NTRK3: variants seen among roughly 807,000 people sequenced by gnomAD.
The protein encoded by NTRK3 is NT-3 growth factor receptor.
In NTRK3, 24 loss-of-function variants were observed where a neutral mutation model predicts 91.7. The observed-to-expected ratio is 0.26, with a 90% CI of 0.19 to 0.37. NTRK3 has a LOEUF of 0.37. NTRK3 is among the 10% of genes least tolerant of loss of function. NTRK3 has a pLI of 1.00. For synonymous variants in NTRK3, 483 were observed against 404.0 expected (o/e 1.20, Z -2.34); for missense variants, 880 against 1,068.9 (o/e 0.82, Z 2.46).
chr15:87,900,321 C>T (rs2066375360), intron 17 of NTRK3, among the ~76,000 whole-genome samples: 1 of 152,132 alleles, frequency 6.6e-6, no homozygotes, highest in South Asian at 2.1e-4. Flanking sequence ...CCACACAGCC[C>T]TGGCAAGGCC....
At chr15:88,149,963 T>G (rs1169016315) in intron 5 of NTRK3, among the ~76,000 whole-genome samples, 2 of 152,204 alleles carry the variant, frequency 1.3e-5, no homozygotes, top group Non-Finnish European at 2.9e-5. Context: ...GCCCCCAGCT[T>G]CCAAATCCAT....
At chr15:88,104,320 A>G (rs555913601) in intron 13 of NTRK3, among the ~76,000 whole-genome samples, 46 of 152,352 alleles carry the variant, frequency 3.0e-4, no homozygotes, top group African/African-American at 1.0e-3. Context: ...TACATTTATC[A>G]GCTTCCTTTT....
At chr15:88,112,619 C>T (rs181501881) in intron 13 of NTRK3, among the ~76,000 whole-genome samples, 5 of 152,334 alleles carry the variant, frequency 3.3e-5, no homozygotes, top group Admixed American at 3.3e-4. Flanking sequence ...GAATGTTTAA[C>T]ACTGGCCATG....
chr15:88,256,377 G>C, exon 2 of NTRK3: 1 of 629,252 alleles, frequency 1.6e-6, no homozygotes, highest in Non-Finnish European at 2.8e-6. Flanking sequence ...GGTGGGAGCC[G>C]CGAGGAGCGC....
chr15:88,097,268 G>C (rs1431870562), intron 13 of NTRK3, among the ~76,000 whole-genome samples: 1 of 152,222 alleles, frequency 6.6e-6, no homozygotes. Flanking sequence ...AAAGAGGTGT[G>C]TCAGAGAACA....
At chr15:88,200,008 C>A (rs543239585) in intron 3 of NTRK3, among the ~76,000 whole-genome samples, 1 of 152,328 alleles carries the variant, frequency 6.6e-6, no homozygotes, top group African/African-American at 2.4e-5. Context: ...CACGTCCAAC[C>A]CCAATCAGCT....
chr15:88,158,808 C>A (rs1293075800), intron 5 of NTRK3, among the ~76,000 whole-genome samples: 4 of 152,122 alleles, frequency 2.6e-5, no homozygotes, highest in Non-Finnish European at 5.9e-5. Context: ...GGCGTGGGAG[C>A]TGACTACCCC....
chr15:88,089,260 C>G (rs923531727), intron 13 of NTRK3, among the ~76,000 whole-genome samples: 1 of 152,194 alleles, frequency 6.6e-6, no homozygotes, highest in Non-Finnish European at 1.5e-5. Context: ...CCTTCTTAAG[C>G]CTCGGCTCAG....
chr15:87,897,685 T>G (rs1279712121), intron 17 of NTRK3, among the ~76,000 whole-genome samples: 1 of 152,332 alleles, frequency 6.6e-6, no homozygotes, highest in East Asian at 1.9e-4. Flanking sequence ...AATCTGACCC[T>G]GCATAGCTCA....
At chr15:88,024,005 C>G (rs985986873) in intron 14 of NTRK3, among the ~76,000 whole-genome samples, 2 of 152,182 alleles carry the variant, frequency 1.3e-5, no homozygotes, top group Non-Finnish European at 2.9e-5. Flanking sequence ...CTACGCTAAG[C>G]GATGTTTGTT....
At chr15:88,017,872 A>T (rs1480376930) in intron 14 of NTRK3, among the ~76,000 whole-genome samples, 1 of 152,240 alleles carries the variant, frequency 6.6e-6, no homozygotes, top group Non-Finnish European at 1.5e-5. Flanking sequence ...TCAATGAGCC[A>T]TTAGGAGTTT....
intron 5 of NTRK3, among the ~76,000 whole-genome samples, chr15:88,158,143 G>C (rs765781562): frequency 6.6e-6 from 1 of 152,226 alleles, no homozygotes; most frequent in Non-Finnish European, 1.5e-5. Flanking sequence ...CACTTGAGCT[G>C]TGGTGAGGAT....
intron 14 of NTRK3, among the ~76,000 whole-genome samples, chr15:88,006,761 C>T (rs193210307): frequency 2.6e-4 from 40 of 152,288 alleles, no homozygotes; most frequent in Middle Eastern, 6.8e-3. Flanking sequence ...GAGAGAAGTA[C>T]GCAGAGGCAC....
intron 10 of NTRK3, among the ~76,000 whole-genome samples, chr15:88,131,190 C>T (rs2041301201): frequency 6.6e-6 from 1 of 152,182 alleles, no homozygotes; most frequent in Non-Finnish European, 1.5e-5. Context: ...CTTTGGAATG[C>T]ACTATATCAA....
intron 11 of NTRK3, 92 bp downstream of exon 11, chr15:88,128,619 A>G (rs774519271): frequency 7.6e-7 from 1 of 1,324,084 alleles, no homozygotes; most frequent in Non-Finnish European, 1.1e-6. Flanking sequence ...GCCAGGGATG[A>G]TGTGGAATAG....
intron 13 of NTRK3, among the ~76,000 whole-genome samples, chr15:88,096,275 GC>G (rs1460006941): frequency 6.6e-6 from 1 of 152,058 alleles, no homozygotes; most frequent in Non-Finnish European, 1.5e-5. Flanking sequence ...CATCCAGAGA[GC>G]CCCCAGCATC....
At chr15:88,175,139 T>C (rs1366404291) in intron 5 of NTRK3, among the ~76,000 whole-genome samples, 1 of 152,238 alleles carries the variant, frequency 6.6e-6, no homozygotes, top group Non-Finnish European at 1.5e-5. Context: ...ATTCCTGGTT[T>C]ATCTTTTCTT....
At chr15:87,995,768 C>T (rs1174268727) in intron 14 of NTRK3, among the ~76,000 whole-genome samples, 2 of 152,194 alleles carry the variant, frequency 1.3e-5, no homozygotes, top group Non-Finnish European at 2.9e-5. Flanking sequence ...TCAGGCCATA[C>T]GGTCTCTGTT....
chr15:88,200,476 G>C (rs1567634008), intron 3 of NTRK3, among the ~76,000 whole-genome samples: 1 of 152,116 alleles, frequency 6.6e-6, no homozygotes, highest in Non-Finnish European at 1.5e-5. Flanking sequence ...TAATCCCCAC[G>C]TGTCATGGAA....
Sources: allele counts gnomAD v4.1 joint callset (sites outside exome capture counted in the v4.1 genomes callset), GRCh38; gene constraint gnomAD v4.1.1; transcripts MANE v1.5; gene names NCBI Gene and HGNC (gene_info 2026-07-23, HGNC 2026-07-21).